CEP41: variants seen among roughly 807,000 people sequenced by gnomAD.
CEP41 encodes centrosomal protein of 41 kDa.
CEP41 carries 32 observed loss-of-function variants against 44.3 expected under a neutral mutation model. The observed-to-expected ratio is 0.72, with a 90% CI of 0.54 to 0.97. CEP41 has a LOEUF of 0.97. CEP41 is among the 50% of genes least tolerant of loss of function. The probability of loss-of-function intolerance (pLI) is 0.00; values close to 1 mark genes in which losing one functional copy is unlikely to be tolerated. For synonymous variants in CEP41, 151 were observed against 168.5 expected (o/e 0.90, Z 0.80); for missense variants, 432 against 455.2 (o/e 0.95, Z 0.46).
chr7:130,397,397 A>C lies in CEP41; in HGVS notation c.*1494T>G, dbSNP rs114835601. On this transcript the variant is annotated 3_prime_UTR_variant, in exon 11 of 11. Coordinates refer to ENST00000223208, the MANE Select transcript of CEP41 (RefSeq NM_018718.3). Reference sequence around the variant, plus strand: ...TAGAGAAGAATAAACACACTCTAAAACAGAACTGGGCTGAATCTGAAAGTT... The same window carrying C: ...TAGAGAAGAATAAACACACTCTAAACCAGAACTGGGCTGAATCTGAAAGTT... 1.6e-4 allele frequency: 71 copies of C among 453,004 alleles called. No individual in the cohort carries two copies. The highest frequency in any genetic ancestry group is 1.3e-3 in the African/African-American group (65 of 49,996). The allele number at this position is 453,004 out of a possible 1,614,324, so 28.1% of individuals were successfully genotyped here.
In CEP41 at chr7:130,396,700, A is replaced by T; in HGVS notation, c.*2191T>A. On this transcript the variant is annotated 3_prime_UTR_variant, in exon 11 of 11. Coordinates refer to ENST00000223208, the MANE Select transcript of CEP41 (RefSeq NM_018718.3). Reference sequence around the variant, plus strand: ...GTTTGATATTAACACTTAACATGCAAAACGCAGATTAGAACAGCTCTTTTG... The same window carrying T: ...GTTTGATATTAACACTTAACATGCATAACGCAGATTAGAACAGCTCTTTTG... The T allele has an allele frequency of 2.2e-6, 1 of 454,568 alleles. No individual in the cohort carries two copies. The highest frequency in any genetic ancestry group is 4.4e-6 in the Non-Finnish European group (1 of 226,800). 28.2% of individuals were successfully genotyped at this position (454,568 alleles called of 1,614,324 possible).
At chr7:130,411,037 G>C in intron 5 of CEP41, 85 bp downstream of exon 5, 1 of 1,187,234 alleles carries the variant, frequency 8.4e-7, no homozygotes, top group Non-Finnish European at 1.3e-6. Flanking sequence ...CCAGTCCCTG[G>C]GAACAGACAG....
At chr7:130,402,932 G>C in intron 6 of CEP41, 133 bp from the exon 7 acceptor site, 1 of 921,926 alleles carries the variant, frequency 1.1e-6, no homozygotes, top group South Asian at 1.3e-5. Flanking sequence ...AAGGAAAATG[G>C]ACGTGGTGTC....
chr7:130,424,399 CA>C (rs35053180), intron 2 of CEP41, among the ~76,000 whole-genome samples: 1,442 of 96,394 alleles, frequency 0.015, 33 homozygotes, highest in East Asian at 0.15. Flanking sequence ...GACCCTGTCT[CA>C]AAAAAAAAAA....
intron 5 of CEP41, among the ~76,000 whole-genome samples, chr7:130,405,869 G>C (rs1040879645): frequency 5.9e-5 from 9 of 152,114 alleles, no homozygotes; most frequent in Non-Finnish European, 1.0e-4. Context: ...TCCACCTACA[G>C]GTTTGTGTGA....
rs1796601685 is a variant in CEP41, at chr7:130,394,362, G to A, written c.*4529C>T. The stretch of plus-strand genomic sequence containing the variant: ...CATCAGACTGTTGTGGAAATTAAAT[G>A]GGTCAAAACATATAATGAAGAATCT... On this transcript the variant is annotated 3_prime_UTR_variant, in exon 11 of 11. Transcript: ENST00000223208. The A allele has an allele frequency of 2.2e-6, 1 of 453,944 alleles. No individual in the cohort carries two copies. Among genetic ancestry groups the A allele is most frequent in the South Asian group, 1.6e-5 (1 of 64,474 alleles). The allele number at this position is 453,944 out of a possible 1,614,324, so 28.1% of individuals were successfully genotyped here. A position where few individuals can be genotyped will look rare whatever the true frequency, so the allele number is the denominator to read the frequency against.
intron 1 of CEP41, among the ~76,000 whole-genome samples, chr7:130,432,657 A>G (rs34692179): frequency 0.19 from 28,860 of 150,500 alleles, 2,789 homozygotes; most frequent in African/African-American, 0.21. Flanking sequence ...CAGCTGCTCG[A>G]GAGGCTGGGG....
intron 2 of CEP41, chr7:130,420,363 G>A (rs1403212289): frequency 6.8e-6 from 1 of 146,296 alleles, no homozygotes; most frequent in African/African-American, 2.5e-5. Context: ...GGCCAGGTGT[G>A]ATAGCTCACA....
chr7:130,430,386 A>T (rs1018108754), intron 1 of CEP41, among the ~76,000 whole-genome samples: 1 of 151,596 alleles, frequency 6.6e-6, no homozygotes, highest in African/African-American at 2.4e-5. Flanking sequence ...CATCTTTATC[A>T]CCAACTCTTA....
rs577706829 is a variant in CEP41, at chr7:130,440,916, C to T, written c.33+18G>A. 3 of 1,610,920 alleles carry T rather than the reference C, an allele frequency of 1.9e-6. No individual in the cohort carries two copies. The highest frequency in any genetic ancestry group is 2.5e-6 in the Non-Finnish European group (3 of 1,179,960). On this transcript the variant is annotated intron_variant, in intron 1 of 10. Transcript: ENST00000223208. ...GCGCCCGCCCCCTCCGGCTCTCCGGCCGAGACCTGGCCCTCACCTCAGGGT... is the reference window on the plus strand; with the variant it reads ...GCGCCCGCCCCCTCCGGCTCTCCGGTCGAGACCTGGCCCTCACCTCAGGGT...
At position 130,400,811 on chromosome 7, in the gene CEP41, T is replaced by C. The variant is rs527896814; in HGVS notation, c.653A>G (p.His218Arg). The change falls in exon 9 of 11, where the codon CAT (histidine) becomes CGT (arginine). Residue 218 changes from histidine to arginine, a missense_variant. Coordinates refer to ENST00000223208, the MANE Select transcript of CEP41 (RefSeq NM_018718.3). ...GTCATACAGAATGATGATCTTGCCA[T>C]GGGCATTTTTCTAAGAGTCAGATGA... ...SNDILEYKNA[H>R]GKIIILYDDD... 44 of 1,609,932 alleles carry C rather than the reference T, an allele frequency of 2.7e-5. No homozygotes were observed. The South Asian group carries it at 4.4e-4, about 16-fold the overall frequency.
intron 5 of CEP41, among the ~76,000 whole-genome samples, chr7:130,408,865 T>C (rs1182287047): frequency 6.6e-6 from 1 of 152,186 alleles, no homozygotes; most frequent in African/African-American, 2.4e-5. Flanking sequence ...AAAGGACAGA[T>C]ATTAGATGAC....
intron 6 of CEP41, among the ~76,000 whole-genome samples, chr7:130,403,225 A>G (rs185129820): frequency 1.1e-4 from 16 of 152,366 alleles, no homozygotes; most frequent in Non-Finnish European, 1.5e-4. Flanking sequence ...TAAGTAATAT[A>G]AAGTAACAAT....
rs1554413331 is a variant in CEP41, at chr7:130,393,776, T to C, written c.*5115A>G. 4.5e-6 allele frequency: 2 copies of C among 447,406 alleles called. No homozygotes were observed. Among genetic ancestry groups the C allele is most frequent in the African/African-American group, 4.0e-5 (2 of 49,588 alleles). 27.7% of individuals were successfully genotyped at this position (447,406 alleles called of 1,614,324 possible). ...AAGAAAAGATCAGGCACAAATCATA[T>C]CAATATGGTTTACTGAATGAATGGC... On this transcript the variant is annotated 3_prime_UTR_variant, in exon 11 of 11. Transcript: ENST00000223208.
At chr7:130,433,851 T>C (rs1797890347) in intron 1 of CEP41, among the ~76,000 whole-genome samples, 1 of 152,176 alleles carries the variant, frequency 6.6e-6, no homozygotes, top group Non-Finnish European at 1.5e-5. Context: ...CCTCTACTAA[T>C]GAGAGAGCAA....
rs1796692276 is a variant in CEP41 at position 130,397,317 on chromosome 7, C to T, written c.*1574G>A. On this transcript the variant is annotated 3_prime_UTR_variant, in exon 11 of 11. Coordinates refer to ENST00000223208, the MANE Select transcript of CEP41 (RefSeq NM_018718.3). The stretch of plus-strand genomic sequence containing the variant: ...GCATGGCTTGACATCTGAACAATGT[C>T]CCTGGTTTGTTTGATTTCTAAAGCA... 1 of 454,242 alleles carries T rather than the reference C, an allele frequency of 2.2e-6. No individual in the cohort carries two copies. Among genetic ancestry groups the T allele is most frequent in the Non-Finnish European group, 4.4e-6 (1 of 226,774 alleles). 28.1% of individuals were successfully genotyped at this position (454,242 alleles called of 1,614,324 possible).
At chr7:130,435,822 TGAC>T (rs1227495704) in intron 1 of CEP41, among the ~76,000 whole-genome samples, 2 of 152,184 alleles carry the variant, frequency 1.3e-5, no homozygotes, top group Non-Finnish European at 2.9e-5. Flanking sequence ...CCAAAACTGA[TGAC>T]AACCAAAATG....
At position 130,398,926 on chromosome 7, in the gene CEP41, T is replaced by C. The variant is rs201504407; in HGVS notation, c.1087A>G (p.Ser363Gly). The C allele has an allele frequency of 9.9e-6, 16 of 1,614,228 alleles. No homozygotes were observed. In the Admixed American group the frequency reaches 2.2e-4, roughly 22 times the overall value. Residue 363 changes from serine to glycine, a missense_variant, in exon 11 of 11, where the codon AGC (serine) becomes GGC (glycine). Physicochemically the swap from Ser to Gly is moderately conservative, Grantham distance 56 (BLOSUM62 0). Transcript: ENST00000223208. ...GGTTTGCCTTGCAGGTGACCACTGC[T>C]GAGGGAGCGGGGGTTTGAGTGGCTG... ...PASHSNPRSL[S>G]SGHLQGKPWK
chr7:130,441,197 G>A (rs781871393), upstream of CEP41: 8 of 667,126 alleles, frequency 1.2e-5, no homozygotes, highest in East Asian at 1.4e-4. Flanking sequence ...GGCTAGCGAG[G>A]CCTTTTGTTC....
Sources: allele counts gnomAD v4.1 joint callset (sites outside exome capture counted in the v4.1 genomes callset), GRCh38; gene constraint gnomAD v4.1.1; transcripts MANE v1.5; gene names NCBI Gene and HGNC (gene_info 2026-07-23, HGNC 2026-07-21).